Variants in ATG4C observed in about 807,000 individuals in gnomAD.
ATG4C encodes the protein autophagy related 4C cysteine peptidase, also known as cysteine protease ATG4C.
ATG4C carries 56 observed loss-of-function variants against 57.6 expected under a neutral mutation model. The ratio of observed to expected loss-of-function variants is 0.97; its 90% CI spans 0.78 to 1.21. The LOEUF (loss-of-function observed/expected upper bound fraction) is 1.21, where lower values mean the gene tolerates loss of function less well. Among genes scored for constraint, ATG4C ranks in the 50% most tolerant of loss-of-function variants. The pLI, the probability that ATG4C is intolerant of heterozygous loss-of-function variation, is 0.00. For missense variants in ATG4C, 595 were observed against 529.8 expected (o/e 1.12, Z -1.21); for synonymous variants, 157 against 174.1 (o/e 0.90, Z 0.78).
At position 62,865,061 on chromosome 1, in the gene ATG4C, AT is replaced by A. The variant is rs2100375309; in HGVS notation, c.*903del. The stretch of plus-strand genomic sequence containing the variant: ...AAGGCAAATCTGCCTTAAGTGTATT[AT>A]GTGTTACTTAAAGGCAAATTTGTGA... On this transcript the variant is annotated 3_prime_UTR_variant, in exon 11 of 11. Coordinates refer to ENST00000317868, the MANE Select transcript of ATG4C (RefSeq NM_032852.4). 1 of 152,012 alleles carries A rather than the reference AT, an allele frequency of 6.6e-6. No homozygotes were observed. Among genetic ancestry groups the A allele is most frequent in the Admixed American group, 6.6e-5 (1 of 15,264 alleles). 9.4% of individuals were successfully genotyped at this position (152,012 alleles called of 1,614,324 possible). A position where few individuals can be genotyped will look rare whatever the true frequency, so the allele number is the denominator to read the frequency against.
intron 1 of ATG4C, among the ~76,000 whole-genome samples, chr1:62,791,531 G>A (rs944007375): frequency 2.6e-5 from 4 of 152,144 alleles, no homozygotes; most frequent in African/African-American, 9.7e-5. Flanking sequence ...GCTACATTTG[G>A]TGAGGGCCTT....
chr1:62,823,400 A>C (rs947918716), intron 6 of ATG4C, among the ~76,000 whole-genome samples: 1 of 152,122 alleles, frequency 6.6e-6, no homozygotes, highest in African/African-American at 2.4e-5. Context: ...TTCATTGCTT[A>C]TATTATATTT....
At chr1:62,858,089 G>C (rs1355255806) in intron 10 of ATG4C, among the ~76,000 whole-genome samples, 4 of 152,314 alleles carry the variant, frequency 2.6e-5, no homozygotes, top group African/African-American at 7.2e-5. Context: ...TGTAGAAGCT[G>C]TTCATCTGAC....
intron 3 of ATG4C, among the ~76,000 whole-genome samples, chr1:62,810,278 AACTT>A: frequency 6.6e-6 from 1 of 152,318 alleles, no homozygotes; most frequent in East Asian, 1.9e-4. Context: ...ACTCTCAAGA[AACTT>A]ACAGTCCAAC....
In ATG4C at chr1:62,819,206, A is replaced by G. The variant is rs765300744; in HGVS notation, c.596A>G (p.Lys199Arg). ...HEMRNEVYHR[K>R]IISWFGDSPL... Reference sequence around the variant, plus strand: ...ATGCGAAATGAAGTTTATCATAGGAAAATCATCTCTTGGTTTGGTGATTCC... The same window carrying G: ...ATGCGAAATGAAGTTTATCATAGGAGAATCATCTCTTGGTTTGGTGATTCC... Residue 199 changes from lysine to arginine, a missense_variant, in exon 5 of 11, where the codon AAA becomes AGA. Coordinates refer to ENST00000317868, the MANE Select transcript of ATG4C (RefSeq NM_032852.4). 4.0e-5 allele frequency: 64 copies of G among 1,613,532 alleles called. No homozygotes were observed. Among genetic ancestry groups the G allele is most frequent in the Non-Finnish European group, 5.3e-5 (63 of 1,179,730 alleles).
chr1:62,792,580 C>T (rs1392407151), intron 1 of ATG4C, among the ~76,000 whole-genome samples: 2 of 152,166 alleles, frequency 1.3e-5, no homozygotes, highest in Admixed American at 1.3e-4. Context: ...TTAAAATTAG[C>T]AGGTATCATG....
chr1:62,816,179 T>C (rs1665264847), intron 3 of ATG4C, among the ~76,000 whole-genome samples: 1 of 152,200 alleles, frequency 6.6e-6, no homozygotes, highest in Admixed American at 6.6e-5. Flanking sequence ...TTAATGATTT[T>C]TTTTCTTCAC....
At chr1:62,829,784 A>T (rs1046394942) in intron 7 of ATG4C, among the ~76,000 whole-genome samples, 5 of 152,148 alleles carry the variant, frequency 3.3e-5, no homozygotes, top group African/African-American at 1.2e-4. Flanking sequence ...GCACCAAGAC[A>T]TTCACATATG....
intron 3 of ATG4C, among the ~76,000 whole-genome samples, chr1:62,816,275 A>G (rs1665267880): frequency 6.6e-6 from 1 of 152,096 alleles, no homozygotes; most frequent in Admixed American, 6.6e-5. Context: ...CCCTCTTCAA[A>G]GAGTTAATTA....
Position 62,821,164 on chromosome 1 carries a change from C to A in ATG4C, c.751C>A (p.Pro251Thr). 6.2e-7 allele frequency: 1 copy of A among 1,600,884 alleles called. No individual in the cohort carries two copies. The highest frequency in any genetic ancestry group is 8.5e-7 in the Non-Finnish European group (1 of 1,174,948). Reference sequence around the variant, plus strand: ...AAAAGCAGTTGAAGAAGCAAGGCATCCTGATTTACAAGGAATAACTATTTA... The same window carrying A: ...AAAAGCAGTTGAAGAAGCAAGGCATACTGATTTACAAGGAATAACTATTTA... ...LRKAVEEARH[P>T]DLQGITIYVA... Residue 251 changes from proline to threonine, a missense_variant, in exon 6 of 11, where the codon CCT becomes ACT. Pro to Thr is a conservative substitution (Grantham distance 38, BLOSUM62 -1). Coordinates refer to ENST00000317868, the MANE Select transcript of ATG4C (RefSeq NM_032852.4).
intron 10 of ATG4C, among the ~76,000 whole-genome samples, chr1:62,852,014 C>T (rs1035323006): frequency 2.0e-5 from 3 of 152,148 alleles, no homozygotes; most frequent in Non-Finnish European, 4.4e-5. Flanking sequence ...TGTTTATTGT[C>T]AAGCATTTGT....
chr1:62,809,639 A>G (rs111744537), intron 3 of ATG4C, among the ~76,000 whole-genome samples: 32 of 147,716 alleles, frequency 2.2e-4, no homozygotes, highest in Non-Finnish European at 4.0e-4. Flanking sequence ...CTATATATAC[A>G]TATATGTATA....
intron 6 of ATG4C, among the ~76,000 whole-genome samples, chr1:62,825,242 A>C (rs1443898543): frequency 6.6e-6 from 1 of 151,662 alleles, no homozygotes; most frequent in Non-Finnish European, 1.5e-5. Flanking sequence ...TCTAAAAAAA[A>C]AAAAAAAAAA....
chr1:62,787,501 T>C (rs966485039), intron 1 of ATG4C, among the ~76,000 whole-genome samples: 1 of 152,168 alleles, frequency 6.6e-6, no homozygotes, highest in African/African-American at 2.4e-5. Flanking sequence ...AATACATACT[T>C]GTGATTTTTC....
intron 2 of ATG4C, among the ~76,000 whole-genome samples, chr1:62,804,759 C>T (rs1164905516): frequency 6.6e-6 from 1 of 152,108 alleles, no homozygotes; most frequent in African/African-American, 2.4e-5. Context: ...AGCTCATATT[C>T]ATAAAATAAG....
At chr1:62,854,424 C>A (rs1163271112) in intron 10 of ATG4C, among the ~76,000 whole-genome samples, 1 of 151,824 alleles carries the variant, frequency 6.6e-6, no homozygotes, top group Non-Finnish European at 1.5e-5. Flanking sequence ...ACTACAGGCA[C>A]TTGCCACCAT....
intron 10 of ATG4C, among the ~76,000 whole-genome samples, chr1:62,856,102 A>G (rs1485376232): frequency 2.6e-5 from 4 of 152,196 alleles, no homozygotes; most frequent in Non-Finnish European, 5.9e-5. Context: ...CTTCTAGGAC[A>G]GTTACTCCCA....
chr1:62,834,716 G>GT, intron 8 of ATG4C, 60 bp from the exon 9 acceptor site: 1 of 1,367,806 alleles, frequency 7.3e-7, no homozygotes, highest in Non-Finnish European at 1.0e-6. Flanking sequence ...AAATTGGATT[G>GT]TAAGCAGTGT....
chr1:62,855,362 T>C (rs1666651599), intron 10 of ATG4C, among the ~76,000 whole-genome samples: 1 of 152,188 alleles, frequency 6.6e-6, no homozygotes. Context: ...TTTATTCTTA[T>C]TTTTTTCATT....
Sources: gnomAD v4.1 joint callset for allele counts (sites outside exome capture counted in the v4.1 genomes callset) on GRCh38, gnomAD v4.1.1 for gene constraint, MANE v1.5 for transcripts, NCBI Gene and HGNC (gene_info 2026-07-23, HGNC 2026-07-21) for gene names.